Variants in UBL4A observed in about 807,000 individuals in gnomAD.
The protein encoded by UBL4A is ubiquitin like 4A, also known as ubiquitin-like protein 4A.
Under a neutral mutation model 11.4 loss-of-function variants are expected in UBL4A, and 4 were observed. That is an observed-to-expected ratio of 0.35 (90% confidence interval 0.17 to 0.81). The LOEUF is 0.81. Ranked by LOEUF, UBL4A falls within the 30% of genes least tolerant of loss-of-function variation. The probability of loss-of-function intolerance (pLI) is 0.52; values close to 1 mark genes in which losing one functional copy is unlikely to be tolerated. For missense variants in UBL4A, 112 were observed against 124.9 expected (o/e 0.90, Z 0.49); for synonymous variants, 72 against 61.2 (o/e 1.18, Z -0.83).
rs782471262 is a variant in UBL4A, at chrX:154,485,658, A to G, written c.364-9T>C. Reference sequence around the variant, plus strand: ...AGGGACCTCTCGTAATCCTGGGGAGAGAAGGGCAGGAAGATTCAGGGGCTG... The same window carrying G: ...AGGGACCTCTCGTAATCCTGGGGAGGGAAGGGCAGGAAGATTCAGGGGCTG... On this transcript the variant is annotated splice_polypyrimidine_tract_variant and intron_variant, in intron 3 of 3. Transcript: ENST00000369660. The G allele has an allele frequency of 4.2e-6, 5 of 1,190,501 alleles. No individual in the cohort carries two copies. The African/African-American group carries it at 8.8e-5, about 21-fold the overall frequency.
chrX:154,485,628 G>T lies in UBL4A; in HGVS notation c.385C>A (p.Arg129Ser). 8.3e-7 allele frequency: 1 copy of T among 1,209,511 alleles called. No individual in the cohort carries two copies. The highest frequency in any genetic ancestry group is 1.8e-5 in the South Asian group (1 of 56,874). ...LQRDYERSLS[R>S]LTLDDIERLA... ...CGTTCGATGTCGTCCAGCGTCAGGCGACTCAGGGACCTCTCGTAATCCTGG... is the reference window on the plus strand; with the variant it reads ...CGTTCGATGTCGTCCAGCGTCAGGCTACTCAGGGACCTCTCGTAATCCTGG... Residue 129 changes from arginine to serine, a missense_variant, in exon 4 of 4, where the codon CGC (arginine) becomes AGC (serine). Physicochemically the swap from Arg to Ser is moderately radical, Grantham distance 110 (BLOSUM62 -1). Transcript: ENST00000369660.
chrX:154,486,152 C>A (rs1305316344), intron 2 of UBL4A, 76 bp downstream of exon 2: 9 of 1,075,926 alleles, frequency 8.4e-6, no homozygotes, highest in Middle Eastern at 3.2e-4. Flanking sequence ...ACCCGACACA[C>A]GGCTGCTGGC....
chrX:154,486,544 C>A lies in UBL4A; in HGVS notation c.41G>T (p.Ser14Ile), dbSNP rs2069300865. The change falls in exon 1 of 4, where the codon AGC (serine) becomes ATC (isoleucine). Residue 14 changes from serine (S) to isoleucine (I), a missense_variant. Ser to Ile is a moderately radical substitution (Grantham distance 142, BLOSUM62 -2). Transcript: ENST00000369660. The stretch of plus-strand genomic sequence containing the variant: ...CCGGCCCGGGGACCCTACCTGCAGG[C>A]TGCACTCGCGGCCCTGCAGCGCCTT... ...TVKALQGRECSLQVPEDELVS... is the reference protein window; with the variant it reads ...TVKALQGRECILQVPEDELVS... 10 of 1,021,771 alleles carry A rather than the reference C, an allele frequency of 9.8e-6. No individual in the cohort carries two copies. In the East Asian group the frequency reaches 4.3e-4, roughly 44 times the overall value. 84.2% of individuals were successfully genotyped at this position (1,021,771 alleles called of 1,213,427 possible).
chrX:154,484,735 C>T lies in UBL4A; in HGVS notation c.*804G>A, dbSNP rs1239410781. The T allele has an allele frequency of 1.8e-5, 2 of 113,138 alleles. No homozygotes were observed. Among genetic ancestry groups the T allele is most frequent in the East Asian group, 5.6e-4 (2 of 3,596 alleles). The allele number at this position is 113,138 out of a possible 1,213,427, so 9.3% of individuals were successfully genotyped here. ...GACACTGCCTTGCTGAGTCACCCAT[C>T]AGCCCTAACGCTTCCTGGACGAGAC... On this transcript the variant is annotated 3_prime_UTR_variant, in exon 4 of 4. Transcript: ENST00000369660.
At position 154,484,506 on chromosome X, in the gene UBL4A, C is replaced by A. The variant is rs889374142; in HGVS notation, c.*1033G>T. 8.9e-6 allele frequency: 1 copy of A among 112,836 alleles called. No individual in the cohort carries two copies. The highest frequency in any genetic ancestry group is 3.2e-5 in the African/African-American group (1 of 31,067). 9.3% of individuals were successfully genotyped at this position (112,836 alleles called of 1,213,427 possible). A position where few individuals can be genotyped will look rare whatever the true frequency, so the allele number is the denominator to read the frequency against. The stretch of plus-strand genomic sequence containing the variant: ...GCAGGTGGTTAGATGTCCTCTTGTG[C>A]CCACACACACGGCAGGGTGGAGGAG... On this transcript the variant is annotated 3_prime_UTR_variant, in exon 4 of 4. Transcript: ENST00000369660.
rs1335833111 is a variant in UBL4A at position 154,484,663 on chromosome X, G to A, written c.*876C>T. The stretch of plus-strand genomic sequence containing the variant: ...GGATATGTTCATCTTCCACAGGGAG[G>A]CCAGTGCTGGGGATGAGGACAAAGG... On this transcript the variant is annotated 3_prime_UTR_variant, in exon 4 of 4. Transcript: ENST00000369660. The A allele has an allele frequency of 8.9e-6, 1 of 112,776 alleles. No homozygotes were observed. Among genetic ancestry groups the A allele is most frequent in the East Asian group, 2.8e-4 (1 of 3,595 alleles). The allele number at this position is 112,776 out of a possible 1,213,427, so 9.3% of individuals were successfully genotyped here. A position where few individuals can be genotyped will look rare whatever the true frequency, so the allele number is the denominator to read the frequency against.
rs1219973888 is a variant in UBL4A, at chrX:154,486,059, G to GGGAGC, written c.155-85_155-81dup. On this transcript the variant is annotated intron_variant, in intron 2 of 3. Transcript: ENST00000369660. Reference sequence around the variant, plus strand: ...GGGGCGCGAGGCCGCCTCGGGCGGCGGGAGCGGAGCGCTGCGGCATCCGGC... The same window carrying GGGAGC: ...GGGGCGCGAGGCCGCCTCGGGCGGCGGGAGCGGAGCGGAGCGCTGCGGCATCCGGC... The GGGAGC allele has an allele frequency of 7.9e-6, 9 of 1,134,612 alleles. No individual in the cohort carries two copies. The African/African-American group carries it at 1.3e-4, about 16-fold the overall frequency. The allele number at this position is 1,134,612 out of a possible 1,213,427, so 93.5% of individuals were successfully genotyped here. A position where few individuals can be genotyped will look rare whatever the true frequency, so the allele number is the denominator to read the frequency against.
rs1351561250 is a variant in UBL4A, at chrX:154,484,975, G to A, written c.*564C>T. On this transcript the variant is annotated 3_prime_UTR_variant, in exon 4 of 4. Coordinates refer to ENST00000369660, the MANE Select transcript of UBL4A (RefSeq NM_014235.5). ...TGGGGACCAAGTGGCACTGAGACTC[G>A]CCCAAAGTCACATCACAGAGCTGGG... 5 of 190,146 alleles carry A rather than the reference G, an allele frequency of 2.6e-5. No homozygotes were observed. The highest frequency in any genetic ancestry group is 3.9e-5 in the Non-Finnish European group (4 of 102,813). 15.7% of individuals were successfully genotyped at this position (190,146 alleles called of 1,213,427 possible). A position where few individuals can be genotyped will look rare whatever the true frequency, so the allele number is the denominator to read the frequency against.
Position 154,485,686 on chromosome X carries a change from A to T in UBL4A, c.364-37T>A, listed in dbSNP as rs782565678. 4.8e-5 allele frequency: 51 copies of T among 1,052,065 alleles called. No homozygotes were observed. In the East Asian group the frequency reaches 1.2e-3, roughly 26 times the overall value. The allele number at this position is 1,052,065 out of a possible 1,213,427, so 86.7% of individuals were successfully genotyped here. Reference sequence around the variant, plus strand: ...AGGGCAGGAAGATTCAGGGGCTGCCAGTGGTGGGGGGGCATACACTGCAAC... The same window carrying T: ...AGGGCAGGAAGATTCAGGGGCTGCCTGTGGTGGGGGGGCATACACTGCAAC... On this transcript the variant is annotated intron_variant, in intron 3 of 3. Transcript: ENST00000369660.
At chrX:154,486,427 C>G (rs1416896752) in intron 1 of UBL4A, 94 bp from the exon 2 acceptor site, 1 of 981,722 alleles carries the variant, frequency 1.0e-6, no homozygotes, top group Non-Finnish European at 1.3e-6. Context: ...TCTCCCGGCT[C>G]CCGGCCCTCG....
intron 1 of UBL4A, 55 bp downstream of exon 1, chrX:154,486,482 C>A: frequency 2.0e-6 from 2 of 1,021,414 alleles, no homozygotes; most frequent in Non-Finnish European, 2.5e-6. Context: ...GGTCCCCCTG[C>A]CAGGAGCGGG....
At position 154,485,113 on chromosome X, in the gene UBL4A, G is replaced by A; in HGVS notation, c.*426C>T. On this transcript the variant is annotated 3_prime_UTR_variant, in exon 4 of 4. Coordinates refer to ENST00000369660, the MANE Select transcript of UBL4A (RefSeq NM_014235.5). ...GGGGTTCCAGGGCTGGCTGTCACTT[G>A]GCCTCCTGCAGAGGTAAGCTGAGGG... 1 of 358,119 alleles carries A rather than the reference G, an allele frequency of 2.8e-6. No homozygotes were observed. The highest frequency in any genetic ancestry group is 4.8e-6 in the Non-Finnish European group (1 of 206,548). The allele number at this position is 358,119 out of a possible 1,213,427, so 29.5% of individuals were successfully genotyped here. A position where few individuals can be genotyped will look rare whatever the true frequency, so the allele number is the denominator to read the frequency against.
intron 2 of UBL4A, 117 bp from the exon 3 acceptor site, chrX:154,486,096 C>A (rs1569554992): frequency 3.9e-6 from 4 of 1,036,770 alleles, no homozygotes; most frequent in Non-Finnish European, 5.2e-6. Flanking sequence ...GTGAGGCATG[C>A]GGCCGCCTCC....
intron 1 of UBL4A, 84 bp downstream of exon 1, chrX:154,486,453 G>A: frequency 5.1e-6 from 5 of 976,098 alleles, no homozygotes; most frequent in African/African-American, 2.1e-5. Context: ...GCCGCCCCGT[G>A]CCCGCCCTCG....
chrX:154,483,939 C>T lies in UBL4A; in HGVS notation c.*1600G>A, dbSNP rs782636638. 1.8e-5 allele frequency: 2 copies of T among 112,950 alleles called. No homozygotes were observed. Among genetic ancestry groups the T allele is most frequent in the African/African-American group, 3.2e-5 (1 of 31,088 alleles). 9.3% of individuals were successfully genotyped at this position (112,950 alleles called of 1,213,427 possible). ...TGCTCACCTGCTGCCAATGCCAATACCACTGGACTTTTCACTTTCATAAGC... is the reference window on the plus strand; with the variant it reads ...TGCTCACCTGCTGCCAATGCCAATATCACTGGACTTTTCACTTTCATAAGC... On this transcript the variant is annotated 3_prime_UTR_variant, in exon 4 of 4. Transcript: ENST00000369660.
Position 154,486,322 on chromosome X carries a change from G to T in UBL4A, c.60C>A (p.Asp20Glu). 1 of 1,143,864 alleles carries T rather than the reference G, an allele frequency of 8.7e-7. No individual in the cohort carries two copies. The highest frequency in any genetic ancestry group is 1.2e-6 in the Non-Finnish European group (1 of 862,113). 94.3% of individuals were successfully genotyped at this position (1,143,864 alleles called of 1,213,427 possible). Residue 20 changes from aspartate (D) to glutamate (E), a missense_variant, in exon 2 of 4, where the codon GAC becomes GAA. By Grantham distance (45) the Asp-to-Glu change is conservative (BLOSUM62 2). Transcript: ENST00000369660. ...GCTGCTTCAGCGTGGACACCAGCTCGTCCTCTGGCACCTGGCCGCGCGGAG... is the reference window on the plus strand; with the variant it reads ...GCTGCTTCAGCGTGGACACCAGCTCTTCCTCTGGCACCTGGCCGCGCGGAG... ...GRECSLQVPE[D>E]ELVSTLKQLV...
chrX:154,485,929 G>C lies in UBL4A; in HGVS notation c.205C>G (p.Leu69Val). ...YSIGPNSKLN[L>V]VVKPLEKVLL... Reference sequence around the variant, plus strand: ...ACCTTCTCCAGGGGTTTGACCACTAGGTTGAGCTTGGAGTTGGGCCCGATG... The same window carrying C: ...ACCTTCTCCAGGGGTTTGACCACTACGTTGAGCTTGGAGTTGGGCCCGATG... The change falls in exon 3 of 4, where the codon CTA (leucine) becomes GTA (valine). Residue 69 changes from leucine to valine, a missense_variant. Leu to Val is a conservative substitution (Grantham distance 32, BLOSUM62 1). Transcript: ENST00000369660. 6 of 1,210,203 alleles carry C rather than the reference G, an allele frequency of 5.0e-6. No individual in the cohort carries two copies. Among genetic ancestry groups the C allele is most frequent in the South Asian group, 3.5e-5 (2 of 57,037 alleles).
chrX:154,485,951 G>A lies in UBL4A; in HGVS notation c.183C>T (p.Ile61=), dbSNP rs143278263. The change falls in exon 3 of 4, where the codon ATC becomes ATT. Residue 61 remains isoleucine (I), a synonymous_variant. Transcript: ENST00000369660. ...CTAGGTTGAGCTTGGAGTTGGGCCCGATGCTATAATCCGAGAGTCGTTTCC... is the reference window on the plus strand; with the variant it reads ...CTAGGTTGAGCTTGGAGTTGGGCCCAATGCTATAATCCGAGAGTCGTTTCC... ...ADGKRLSDYS[I]GPNSKLNLVV... 1 of 1,208,988 alleles carries A rather than the reference G, an allele frequency of 8.3e-7. No homozygotes were observed. The highest frequency in any genetic ancestry group is 1.1e-6 in the Non-Finnish European group (1 of 895,478).
At chrX:154,485,689 GGT>G (rs781913592) in intron 3 of UBL4A, 40 bp from the exon 4 acceptor site, 29 of 1,157,995 alleles carry the variant, frequency 2.5e-5, no homozygotes, top group Non-Finnish European at 3.2e-5. Flanking sequence ...GGCTGCCAGT[GGT>G]GGGGGGGCAT....
Sources: allele counts gnomAD v4.1 joint callset, GRCh38; gene constraint gnomAD v4.1.1; transcripts MANE v1.5; gene names NCBI Gene and HGNC (gene_info 2026-07-23, HGNC 2026-07-21).